SPATA16: variants seen among roughly 807,000 people sequenced by gnomAD.
SPATA16 encodes the protein spermatogenesis-associated protein 16.
SPATA16 carries 36 observed loss-of-function variants against 63.3 expected under a neutral mutation model. The ratio of observed to expected loss-of-function variants is 0.57; its 90% CI spans 0.44 to 0.75. The LOEUF is 0.75. SPATA16 is among the 30% of genes least tolerant of loss of function. The pLI is 0.00. For synonymous variants in SPATA16, 203 were observed against 216.7 expected (o/e 0.94, Z 0.56); for missense variants, 646 against 679.3 (o/e 0.95, Z 0.54).
intron 3 of SPATA16, among the ~76,000 whole-genome samples, chr3:173,023,843 CTA>C (rs1211523842): frequency 2.6e-4 from 39 of 151,458 alleles, no homozygotes; most frequent in Admixed American, 1.5e-3. Flanking sequence ...ATTCACATAT[CTA>C]TGTATATGCA....
At chr3:172,961,374 T>C (rs944761358) in intron 5 of SPATA16, among the ~76,000 whole-genome samples, 2 of 152,156 alleles carry the variant, frequency 1.3e-5, no homozygotes, top group Non-Finnish European at 2.9e-5. Flanking sequence ...TCTTGAGATT[T>C]GGAGAGGCTT....
At chr3:172,993,149 G>T (rs1329335095) in intron 4 of SPATA16, among the ~76,000 whole-genome samples, 1 of 151,066 alleles carries the variant, frequency 6.6e-6, no homozygotes. Context: ...GAACAGAAAG[G>T]TTACATTATG....
At chr3:172,978,161 C>T (rs6445092) in intron 4 of SPATA16, among the ~76,000 whole-genome samples, 3 of 147,230 alleles carry the variant, frequency 2.0e-5, no homozygotes, top group Non-Finnish European at 4.5e-5. Context: ...CTCTCTCTCT[C>T]TATATATATA....
intron 3 of SPATA16, among the ~76,000 whole-genome samples, chr3:173,030,047 T>C (rs1334459275): frequency 1.4e-5 from 2 of 146,032 alleles, no homozygotes; most frequent in Admixed American, 1.4e-4. Context: ...GAAGACAGAG[T>C]GGTTACTTTA....
chr3:173,126,372 G>T (rs901499130), intron 1 of SPATA16, among the ~76,000 whole-genome samples: 1 of 152,130 alleles, frequency 6.6e-6, no homozygotes. Context: ...ATGTTTCAGC[G>T]TACTTTAGAG....
intron 6 of SPATA16, among the ~76,000 whole-genome samples, chr3:172,939,558 G>A (rs138884563): frequency 7.0e-4 from 107 of 152,262 alleles, no homozygotes; most frequent in Middle Eastern, 3.4e-3. Flanking sequence ...TTTTTGACAC[G>A]GAAGCATCAT....
At chr3:173,057,675 G>A (rs948666116) in intron 2 of SPATA16, among the ~76,000 whole-genome samples, 2 of 152,112 alleles carry the variant, frequency 1.3e-5, no homozygotes, top group Non-Finnish European at 2.9e-5. Flanking sequence ...GAGTCTGTGC[G>A]TTTAATCACG....
At chr3:172,997,601 TTAATTTTAA>T (rs1734721303) in intron 4 of SPATA16, among the ~76,000 whole-genome samples, 1 of 152,220 alleles carries the variant, frequency 6.6e-6, no homozygotes, top group Non-Finnish European at 1.5e-5. Flanking sequence ...GCAGAAAATT[TTAATTTTAA>T]TGAATTCTAG....
At chr3:173,038,975 A>G (rs1346273293) in intron 3 of SPATA16, among the ~76,000 whole-genome samples, 2 of 152,176 alleles carry the variant, frequency 1.3e-5, no homozygotes, top group African/African-American at 4.8e-5. Context: ...AAGGCTAGCC[A>G]GCAGTTTTGC....
intron 5 of SPATA16, among the ~76,000 whole-genome samples, chr3:172,958,524 C>T (rs997337207): frequency 7.2e-5 from 11 of 152,188 alleles, no homozygotes; most frequent in African/African-American, 1.9e-4. Context: ...CTGCTTTAGA[C>T]CTCAGTTCTA....
intron 4 of SPATA16, among the ~76,000 whole-genome samples, chr3:172,978,158 T>TCC (rs1734211684): frequency 6.9e-6 from 1 of 144,014 alleles, no homozygotes; most frequent in Non-Finnish European, 1.5e-5. Context: ...TCTCTCTCTC[T>TCC]CTCTATATAT....
chr3:172,895,614 G>A (rs1466435474), intron 10 of SPATA16, among the ~76,000 whole-genome samples: 1 of 152,132 alleles, frequency 6.6e-6, no homozygotes, highest in East Asian at 1.9e-4. Context: ...GGGATTAGAA[G>A]TGAGCCACCG....
intron 6 of SPATA16, among the ~76,000 whole-genome samples, chr3:172,936,856 G>A (rs1283683832): frequency 2.6e-5 from 4 of 151,962 alleles, no homozygotes; most frequent in African/African-American, 9.7e-5. Context: ...TACAGGCATG[G>A]GCCACTATGG....
rs140732190 is a variant in SPATA16 at position 173,084,659 on chromosome 3, A to T, written c.612+32461T>A. ...GAGTTTTTATAGTTTTGGGTTTCAC[A>T]TTTAAGTCTTTAATCCATCTTCAGT... On this transcript the variant is annotated intron_variant, in intron 2 of 10. Coordinates refer to ENST00000351008, the MANE Select transcript of SPATA16 (RefSeq NM_031955.6). Among the ~76,000 whole-genome samples the T allele has an allele frequency of 4.0e-3, 614 of 152,234 alleles. 3 individuals carry two copies. Among genetic ancestry groups the T allele is most frequent in the African/African-American group, 0.013 (551 of 41,546 alleles).
intron 10 of SPATA16, among the ~76,000 whole-genome samples, chr3:172,910,049 T>G (rs1056145509): frequency 6.6e-6 from 1 of 152,120 alleles, no homozygotes; most frequent in Non-Finnish European, 1.5e-5. Context: ...CAAATGCAAT[T>G]TTTTTGGGAG....
intron 2 of SPATA16, among the ~76,000 whole-genome samples, chr3:173,110,225 A>G (rs1166324358): frequency 6.6e-6 from 1 of 152,186 alleles, no homozygotes; most frequent in East Asian, 1.9e-4. Flanking sequence ...TTTATACTTG[A>G]CAACTAAGAA....
chr3:173,073,287 T>A (rs1483048776), intron 2 of SPATA16, among the ~76,000 whole-genome samples: 2 of 152,184 alleles, frequency 1.3e-5, no homozygotes, highest in East Asian at 3.9e-4. Flanking sequence ...CCTGCAGAAA[T>A]TTGCATAAGT....
intron 6 of SPATA16, among the ~76,000 whole-genome samples, chr3:172,934,607 T>G (rs1048515425): frequency 1.3e-5 from 2 of 152,164 alleles, no homozygotes; most frequent in Non-Finnish European, 2.9e-5. Flanking sequence ...TACTATAACT[T>G]TTCATGTAAT....
intron 3 of SPATA16, among the ~76,000 whole-genome samples, chr3:173,023,455 T>G (rs939402560): frequency 6.6e-6 from 1 of 152,036 alleles, no homozygotes; most frequent in Non-Finnish European, 1.5e-5. Flanking sequence ...AACTGCCTAA[T>G]GTCCTCTATG....
Sources: allele counts gnomAD v4.1 joint callset (sites outside exome capture counted in the v4.1 genomes callset), GRCh38; gene constraint gnomAD v4.1.1; transcripts MANE v1.5; gene names NCBI Gene and HGNC (gene_info 2026-07-23, HGNC 2026-07-21).